The following SLC9C1 variants were observed in gnomAD, a reference collection of about 807,000 sequenced individuals.
SLC9C1 encodes the protein sodium/hydrogen exchanger 10.
Under a neutral mutation model 140.9 loss-of-function variants are expected in SLC9C1, and 97 were observed. The ratio of observed to expected loss-of-function variants is 0.69; its 90% confidence interval spans 0.58 to 0.82. SLC9C1 has a LOEUF of 0.82. Ranked by LOEUF, SLC9C1 falls within the 40% of genes least tolerant of loss-of-function variation. The pLI is 0.00. For missense variants in SLC9C1, 1,340 were observed against 1,389.3 expected, an observed-to-expected ratio of 0.96 and a Z score of 0.56; for synonymous variants, 440 against 442.6, an observed-to-expected ratio of 0.99 and a Z score of 0.07.
At position 112,151,230 on chromosome 3, in the gene SLC9C1, A is replaced by G. The variant is rs574026205; in HGVS notation, c.3524+627T>C. ...TATGATTTATGTAACATAAAATCAT[A>G]TAAAGCATACACACACAAATATTTC... On this transcript the variant is annotated intron_variant, in intron 28 of 28. Coordinates refer to ENST00000305815, the MANE Select transcript of SLC9C1 (RefSeq NM_183061.3). 6.3e-4 allele frequency: 279 copies of G among 443,384 alleles called. 2 individuals carry two copies. The highest frequency in any genetic ancestry group is 1.4e-3 in the Middle Eastern group (4 of 2,794). The allele number at this position is 443,384 out of a possible 1,614,324, so 27.5% of individuals were successfully genotyped here.
In SLC9C1 at chr3:112,270,065, A is replaced by G. The variant is rs2080029546; in HGVS notation, c.626T>C (p.Val209Ala). The change falls in exon 7 of 29, where the codon GTG becomes GCG. Residue 209 changes from valine (V) to alanine (A), a missense_variant. Val to Ala is a moderately conservative substitution (Grantham distance 64). Transcript: ENST00000305815. ...KRNHTLAEEI[V>A]GGICSYIIAS... ...TATAATATATGAACAAATTCCACCC[A>G]CGATCTCTTCAGCTACAAGAAAGGG... 1 of 1,562,404 alleles carries G rather than the reference A, an allele frequency of 6.4e-7. No homozygotes were observed. Among genetic ancestry groups the G allele is most frequent in the Non-Finnish European group, 8.6e-7 (1 of 1,157,754 alleles).
Position 112,234,945 on chromosome 3 carries a change from G to A in SLC9C1, c.1447-3459C>T, listed in dbSNP as rs375074175. Among the ~76,000 whole-genome samples the A allele has an allele frequency of 1.0e-3, 153 of 152,048 alleles. 3 individuals are homozygous for A. In the East Asian group the frequency reaches 0.013, roughly 13 times the overall value. The stretch of plus-strand genomic sequence containing the variant: ...AGCTTTGTTCTTTTGGCTTATGTTT[G>A]ACTTAGCAATGTGGGCTCTTTTTTG... On this transcript the variant is annotated intron_variant, in intron 12 of 28. Coordinates refer to ENST00000305815, the MANE Select transcript of SLC9C1 (RefSeq NM_183061.3).
chr3:112,183,467 C>A, intron 20 of SLC9C1, among the ~76,000 whole-genome samples: 1 of 144,640 alleles, frequency 6.9e-6, no homozygotes, highest in East Asian at 2.0e-4. Context: ...TTGGCAATGG[C>A]ACCAGGTGTT....
chr3:112,287,411 A>G (rs2080541303), intron 1 of SLC9C1, among the ~76,000 whole-genome samples: 1 of 152,250 alleles, frequency 6.6e-6, no homozygotes, highest in South Asian at 2.1e-4. Flanking sequence ...CTCATTTGGG[A>G]CACTGACAGA....
chr3:112,169,332 G>A lies in SLC9C1; in HGVS notation c.2920-4C>T. On this transcript the variant is annotated splice_region_variant and splice_polypyrimidine_tract_variant and intron_variant, in intron 23 of 28. Transcript: ENST00000305815. The stretch of plus-strand genomic sequence containing the variant: ...GAGTTTTGGGAATAAAACATGTCTG[G>A]AAAAGAAGGATGTAAATTTGATATT... The A allele has an allele frequency of 1.9e-6, 3 of 1,601,052 alleles. No individual in the cohort carries two copies. The highest frequency in any genetic ancestry group is 2.6e-6 in the Non-Finnish European group (3 of 1,175,522).
chr3:112,174,642 G>A (rs2077303744), intron 23 of SLC9C1, among the ~76,000 whole-genome samples: 1 of 152,082 alleles, frequency 6.6e-6, no homozygotes, highest in Non-Finnish European at 1.5e-5. Flanking sequence ...TTGGGGTGGT[G>A]GTTCACCTCC....
chr3:112,182,151 A>G lies in SLC9C1; in HGVS notation c.2631T>C (p.Asp877=), dbSNP rs142042631. 8.0e-4 allele frequency: 1,261 copies of G among 1,566,822 alleles called. 11 individuals carry two copies. In the East Asian group the frequency reaches 0.014, roughly 17 times the overall value. The change falls in exon 21 of 29, where the codon GAT becomes GAC. Residue 877 remains aspartate (D), a synonymous_variant. Transcript: ENST00000305815. ...GTGTTACCTGAATGAAGTTTATATA[A>G]TCTTTGTTTTTATCTAGCCACGGAA... The part of the protein sequence containing the change: ...YHIPWLDKNK[D]YINFIQEKAK...
At chr3:112,163,975 A>G (rs1158508122) in intron 26 of SLC9C1, among the ~76,000 whole-genome samples, 3 of 152,152 alleles carry the variant, frequency 2.0e-5, no homozygotes, top group Non-Finnish European at 4.4e-5. Flanking sequence ...GTGCATATAT[A>G]TTTAGGATAG....
At chr3:112,251,265 G>A (rs1465027462) in intron 10 of SLC9C1, among the ~76,000 whole-genome samples, 1 of 152,076 alleles carries the variant, frequency 6.6e-6, no homozygotes, top group East Asian at 1.9e-4. Context: ...CCACCTAGGA[G>A]TGACACAGAG....
intron 20 of SLC9C1, among the ~76,000 whole-genome samples, chr3:112,186,885 T>C (rs1211339533): frequency 1.3e-5 from 2 of 152,206 alleles, no homozygotes; most frequent in Non-Finnish European, 2.9e-5. Flanking sequence ...GCTGGATCAA[T>C]TGATTATTCA....
intron 20 of SLC9C1, among the ~76,000 whole-genome samples, chr3:112,193,664 G>A (rs2077710923): frequency 6.6e-6 from 1 of 152,126 alleles, no homozygotes; most frequent in Non-Finnish European, 1.5e-5. Context: ...TAAGGTTAAT[G>A]GTGGGGACAG....
At chr3:112,188,994 G>C (rs2077594991) in intron 20 of SLC9C1, among the ~76,000 whole-genome samples, 1 of 152,202 alleles carries the variant, frequency 6.6e-6, no homozygotes, top group East Asian at 1.9e-4. Context: ...GTGATGATGA[G>C]CATTTTTTCA....
At chr3:112,158,131 T>C (rs1202749288) in intron 26 of SLC9C1, among the ~76,000 whole-genome samples, 1 of 151,960 alleles carries the variant, frequency 6.6e-6, no homozygotes, top group Non-Finnish European at 1.5e-5. Flanking sequence ...CTTTCCTCTT[T>C]AATATGTTAT....
intron 20 of SLC9C1, among the ~76,000 whole-genome samples, chr3:112,192,910 G>T (rs967083283): frequency 3.3e-5 from 5 of 152,142 alleles, no homozygotes; most frequent in Non-Finnish European, 5.9e-5. Flanking sequence ...CATGTTTGAT[G>T]TGTCACTACA....
intron 28 of SLC9C1, chr3:112,147,518 G>T (rs1166055344): frequency 4.7e-6 from 2 of 422,202 alleles, no homozygotes; most frequent in Non-Finnish European, 9.4e-6. Flanking sequence ...TGTCTGGAAA[G>T]TTAATTTTCC....
rs549836677 is a variant in SLC9C1 at position 112,159,293 on chromosome 3, G to C, written c.3365-4244C>G. On this transcript the variant is annotated intron_variant, in intron 26 of 28. Transcript: ENST00000305815. ...AGGTGCAAGTTTTTTTAAATTTCAC[G>C]TATTTAAAAAAACTTTCATAGTTTC... Among the ~76,000 whole-genome samples the C allele has an allele frequency of 3.3e-4, 50 of 151,466 alleles. No homozygotes were observed. The South Asian group carries it at 9.2e-3, about 28-fold the overall frequency.
In SLC9C1 at chr3:112,286,772, T is replaced by C. The variant is rs772497133; in HGVS notation, c.20A>G (p.Glu7Gly). MAGIFK[E>G]FFFSTEDLPE... is the part of the protein sequence containing the mutation. ...GAGGTCCTCAGTACTGAAAAAAAAC[T>C]CCTTAAATATTCCAGCCATGTTTCA... is the stretch of plus-strand genomic sequence containing the variant. The change falls in exon 2 of 29, where the codon GAG becomes GGG. Residue 7 changes from glutamate (E) to glycine (G), a missense_variant. Glu to Gly is a moderately conservative substitution (Grantham distance 98). Transcript: ENST00000305815. 2.5e-6 allele frequency: 4 copies of C among 1,611,978 alleles called. No homozygotes were observed. Among genetic ancestry groups the C allele is most frequent in the African/African-American group, 1.3e-5 (1 of 74,914 alleles).
intron 11 of SLC9C1, among the ~76,000 whole-genome samples, chr3:112,242,380 A>G (rs985221976): frequency 2.0e-5 from 3 of 152,216 alleles, no homozygotes; most frequent in Non-Finnish European, 2.9e-5. Context: ...CATTTGCAAC[A>G]GCATGGATGG....
At chr3:112,232,969 A>AC (rs1249435924) in intron 12 of SLC9C1, among the ~76,000 whole-genome samples, 1 of 150,548 alleles carries the variant, frequency 6.6e-6, no homozygotes, top group Non-Finnish European at 1.5e-5. Flanking sequence ...ATAAACAAAG[A>AC]CCCCTGACCC....
Sources: gnomAD v4.1 joint callset for allele counts (sites outside exome capture counted in the v4.1 genomes callset) on GRCh38, gnomAD v4.1.1 for gene constraint, MANE v1.5 for transcripts, NCBI Gene and HGNC (gene_info 2026-07-23, HGNC 2026-07-21) for gene names.